CDH13: variants seen among roughly 807,000 people sequenced by gnomAD.
The protein encoded by CDH13 is cadherin 13.
CDH13 carries 24 observed loss-of-function variants against 63.8 expected under a neutral mutation model. That is an observed-to-expected ratio of 0.38 (90% CI 0.27 to 0.53). The LOEUF (loss-of-function observed/expected upper bound fraction) is 0.53. Ranked by LOEUF, CDH13 falls within the 20% of genes least tolerant of loss-of-function variation. The pLI is 0.85. For missense variants in CDH13, 1,049 were observed against 903.1 expected, an observed-to-expected ratio of 1.16 and a Z score of -2.07; for synonymous variants, 503 against 355.3, an observed-to-expected ratio of 1.42 and a Z score of -4.67.
chr16:83,485,080 C>T (rs1273934866), intron 6 of CDH13, among the ~76,000 whole-genome samples: 1 of 152,146 alleles, frequency 6.6e-6, no homozygotes, highest in African/African-American at 2.4e-5. Flanking sequence ...CATTAGAACC[C>T]ATTAGATCTA....
At chr16:82,888,217 C>G (rs1195077019) in intron 2 of CDH13, among the ~76,000 whole-genome samples, 2 of 152,160 alleles carry the variant, frequency 1.3e-5, no homozygotes, top group East Asian at 3.9e-4. Flanking sequence ...CATAGAAAGG[C>G]AAATCAGACG....
chr16:83,786,611 A>G (rs1309062380), intron 13 of CDH13, among the ~76,000 whole-genome samples: 1 of 149,138 alleles, frequency 6.7e-6, no homozygotes, highest in East Asian at 2.0e-4. Context: ...TTTTTGAGAC[A>G]GAGTCTCACT....
chr16:82,718,375 G>A (rs186213797), intron 1 of CDH13, among the ~76,000 whole-genome samples: 91 of 152,286 alleles, frequency 6.0e-4, no homozygotes, highest in African/African-American at 2.0e-3. Context: ...GGGATTCACC[G>A]CTGACAGCTC....
rs1567722270 is a variant in CDH13 at position 83,508,100 on chromosome 16, G to GGAAGGAAGGAAGGAAGGA, written c.960+21445_960+21446insGAAGGAAGGAAGGAAGGA. The stretch of plus-strand genomic sequence containing the variant: ...GGAAGGAAGGAAGGAAGGAAGGAAA[G>GGAAGGAAGGAAGGAAGGA]AAGGAAGGAAAAGGAAGGAAGGGAG... On this transcript the variant is annotated intron_variant, in intron 7 of 13. Transcript: ENST00000567109. Among the ~76,000 whole-genome samples, 89 of 59,656 alleles carry GGAAGGAAGGAAGGAAGGA rather than the reference G, an allele frequency of 1.5e-3. 2 individuals carry two copies. Among genetic ancestry groups the GGAAGGAAGGAAGGAAGGA allele is most frequent in the African/African-American group, 5.0e-3 (80 of 16,008 alleles). 39.1% of individuals were successfully genotyped at this position (59,656 alleles called of 152,430 possible). A position where few individuals can be genotyped will look rare whatever the true frequency, so the allele number is the denominator to read the frequency against.
At chr16:83,673,788 G>A (rs1025946777) in intron 9 of CDH13, among the ~76,000 whole-genome samples, 3 of 152,204 alleles carry the variant, frequency 2.0e-5, no homozygotes, top group East Asian at 1.9e-4. Context: ...AGGTGGTTCT[G>A]TTGTTCACAG....
intron 2 of CDH13, among the ~76,000 whole-genome samples, chr16:82,973,967 G>T (rs1909140970): frequency 6.6e-6 from 1 of 152,066 alleles, no homozygotes. Flanking sequence ...CTGTTGTCCA[G>T]GCTGGAGTGC....
chr16:82,838,818 A>C (rs2038880920), intron 1 of CDH13, among the ~76,000 whole-genome samples: 1 of 152,164 alleles, frequency 6.6e-6, no homozygotes, highest in Non-Finnish European at 1.5e-5. Flanking sequence ...CAGGCGGTTT[A>C]TTCTTTAGCT....
intron 7 of CDH13, among the ~76,000 whole-genome samples, chr16:83,596,761 A>C (rs1331672906): frequency 6.6e-6 from 1 of 152,106 alleles, no homozygotes; most frequent in Non-Finnish European, 1.5e-5. Context: ...CATTTTCTCT[A>C]ATTTTCAAGT....
intron 2 of CDH13, among the ~76,000 whole-genome samples, chr16:82,964,558 G>A (rs1025010413): frequency 2.0e-5 from 3 of 152,144 alleles, no homozygotes; most frequent in African/African-American, 4.8e-5. Context: ...CATCCGCCAC[G>A]TGGATTTAAG....
rs146998844 is a variant in CDH13, at chr16:83,595,491, C to T, written c.961-6963C>T. Among the ~76,000 whole-genome samples, 19 of 152,256 alleles carry T rather than the reference C, an allele frequency of 1.2e-4. 1 individual carries two copies. The highest frequency in any genetic ancestry group is 6.8e-3 in the Middle Eastern group (2 of 294). ...TGGGACACATAGCCTTCATATTAAACAAGGTAAGCTAAGCACAGTCATAAG... is the reference window on the plus strand; with the variant it reads ...TGGGACACATAGCCTTCATATTAAATAAGGTAAGCTAAGCACAGTCATAAG... On this transcript the variant is annotated intron_variant, in intron 7 of 13. Transcript: ENST00000567109.
intron 10 of CDH13, among the ~76,000 whole-genome samples, chr16:83,702,013 G>A (rs72797246): frequency 0.013 from 1,977 of 152,258 alleles, 13 homozygotes; most frequent in Non-Finnish European, 0.021. Flanking sequence ...GGATTAAATA[G>A]GCTAATCTAG....
intron 1 of CDH13, among the ~76,000 whole-genome samples, chr16:82,786,435 GT>G (rs36019455): frequency 0.27 from 31,552 of 117,058 alleles, 3,460 homozygotes; most frequent in East Asian, 0.4. Flanking sequence ...TCAGAAAACA[GT>G]TTTTTTTTTT....
chr16:83,720,742 C>A (rs1051339575), intron 10 of CDH13, among the ~76,000 whole-genome samples: 1 of 152,238 alleles, frequency 6.6e-6, no homozygotes, highest in African/African-American at 2.4e-5. Flanking sequence ...GAATCCGACT[C>A]ATGAGAGCCA....
intron 10 of CDH13, chr16:83,735,460 A>G (rs1301911469): frequency 6.6e-6 from 1 of 152,092 alleles, no homozygotes; most frequent in Non-Finnish European, 1.5e-5. Context: ...GCAAATAATA[A>G]TTGTATATAT....
intron 1 of CDH13, among the ~76,000 whole-genome samples, chr16:82,702,876 G>A (rs1055752753): frequency 6.6e-6 from 1 of 152,068 alleles, no homozygotes; most frequent in African/African-American, 2.4e-5. Context: ...AGATCTTCCT[G>A]TGCATTTAGA....
At chr16:83,405,769 A>C (rs1035161459) in intron 6 of CDH13, among the ~76,000 whole-genome samples, 1 of 152,222 alleles carries the variant, frequency 6.6e-6, no homozygotes, top group Non-Finnish European at 1.5e-5. Flanking sequence ...TCACAGGCAT[A>C]TTCCTTTCTC....
intron 7 of CDH13, among the ~76,000 whole-genome samples, chr16:83,550,402 G>C (rs754813113): frequency 4.6e-5 from 7 of 152,232 alleles, no homozygotes; most frequent in Non-Finnish European, 1.0e-4. Context: ...GAGTGACAGA[G>C]GTAATGTGTG....
At chr16:83,229,473 T>G (rs914599143) in intron 5 of CDH13, among the ~76,000 whole-genome samples, 2 of 152,092 alleles carry the variant, frequency 1.3e-5, no homozygotes, top group African/African-American at 4.8e-5. Context: ...ATATTCTCTC[T>G]TAAAATTTTA....
intron 1 of CDH13, among the ~76,000 whole-genome samples, 200 bp downstream of exon 1, chr16:82,627,337 C>CGTGTGT (rs71146081): frequency 0.016 from 2,055 of 131,200 alleles, 31 homozygotes; most frequent in South Asian, 0.028. Context: ...CTCTGGCGTG[C>CGTGTGT]GTGTGTGTGT....
Sources: allele counts gnomAD v4.1 joint callset (sites outside exome capture counted in the v4.1 genomes callset), GRCh38; gene constraint gnomAD v4.1.1; transcripts MANE v1.5; gene names NCBI Gene and HGNC (gene_info 2026-07-23, HGNC 2026-07-21).